The following CTNNA3 variants were observed in gnomAD, a reference collection of about 807,000 sequenced individuals.
CTNNA3 encodes catenin alpha-3.
In CTNNA3, 76 loss-of-function variants were observed where a neutral mutation model predicts 95.7. The observed-to-expected ratio is 0.79, with a 90% CI of 0.66 to 0.96. CTNNA3 has a LOEUF of 0.96. Ranked by LOEUF, CTNNA3 falls within the 40% of genes least tolerant of loss-of-function variation. The pLI, the probability that CTNNA3 is intolerant of heterozygous loss-of-function variation, is 0.00. For missense variants in CTNNA3, 1,191 were observed against 1,089.8 expected (o/e 1.09, Z -1.31); for synonymous variants, 431 against 374.4 (o/e 1.15, Z -1.74).
upstream of CTNNA3, among the ~76,000 whole-genome samples, chr10:67,698,226 G>T (rs1240962512): frequency 6.7e-6 from 1 of 150,254 alleles, no homozygotes; most frequent in African/African-American, 2.5e-5. Flanking sequence ...AACATTGAGG[G>T]TAGAAGAGCT....
At chr10:67,024,330 T>A (rs985125668) in intron 7 of CTNNA3, among the ~76,000 whole-genome samples, 1 of 152,218 alleles carries the variant, frequency 6.6e-6, no homozygotes, top group Non-Finnish European at 1.5e-5. Flanking sequence ...TCTCTTACCA[T>A]GACCTTCCTG....
In CTNNA3 at chr10:66,486,213, A is replaced by C. The variant is rs114591743; in HGVS notation, c.1531+34404T>G. Among the ~76,000 whole-genome samples, 901 of 152,310 alleles carry C rather than the reference A, an allele frequency of 5.9e-3. 11 individuals are homozygous for C. Among genetic ancestry groups the C allele is most frequent in the African/African-American group, 0.021 (858 of 41,568 alleles). ...AGCGAAAATATAAAAATGGGATTACATCAAACTGAAAATCATTTGTACAGC... is the reference window on the plus strand; with the variant it reads ...AGCGAAAATATAAAAATGGGATTACCTCAAACTGAAAATCATTTGTACAGC... On this transcript the variant is annotated intron_variant, in intron 11 of 17. Transcript: ENST00000433211.
At chr10:66,072,536 C>T (rs2133610841) in intron 14 of CTNNA3, among the ~76,000 whole-genome samples, 1 of 152,070 alleles carries the variant, frequency 6.6e-6, no homozygotes, top group South Asian at 2.1e-4. Context: ...CCTCTACCTC[C>T]TAGATTCAAG....
At chr10:66,807,402 G>C (rs906585091) in intron 7 of CTNNA3, among the ~76,000 whole-genome samples, 3 of 152,092 alleles carry the variant, frequency 2.0e-5, no homozygotes, top group African/African-American at 7.2e-5. Context: ...TGCCAGCACG[G>C]CCTTTACTCC....
intron 11 of CTNNA3, among the ~76,000 whole-genome samples, chr10:66,415,349 A>G (rs956399711): frequency 6.6e-6 from 1 of 151,816 alleles, no homozygotes; most frequent in African/African-American, 2.4e-5. Flanking sequence ...ACCACAAATT[A>G]CCACCTGCAG....
chr10:66,892,662 T>C (rs1845317738), intron 7 of CTNNA3, among the ~76,000 whole-genome samples: 1 of 152,138 alleles, frequency 6.6e-6, no homozygotes, highest in African/African-American at 2.4e-5. Context: ...GCATTCATGA[T>C]GCTAATTAGC....
chr10:67,113,550 A>G (rs1051998671), intron 7 of CTNNA3, among the ~76,000 whole-genome samples: 1 of 152,134 alleles, frequency 6.6e-6, no homozygotes, highest in Non-Finnish European at 1.5e-5. Flanking sequence ...AACAAGGTTT[A>G]TTTTCAAAAG....
intron 11 of CTNNA3, among the ~76,000 whole-genome samples, chr10:66,450,153 TA>T (rs1167708917): frequency 6.6e-6 from 1 of 152,074 alleles, no homozygotes; most frequent in Non-Finnish European, 1.5e-5. Context: ...GATAATTGTC[TA>T]AAAAATCCCA....
chr10:66,093,869 T>C (rs534205571), intron 14 of CTNNA3, among the ~76,000 whole-genome samples: 14 of 152,100 alleles, frequency 9.2e-5, no homozygotes, highest in Non-Finnish European at 1.3e-4. Context: ...CCTCTCCTTA[T>C]GTTCTTTCCT....
chr10:67,489,358 TG>T (rs1327187486), intron 5 of CTNNA3, among the ~76,000 whole-genome samples: 3 of 152,296 alleles, frequency 2.0e-5, no homozygotes, highest in African/African-American at 7.2e-5. Context: ...AAGCCACCTC[TG>T]CACCACCACC....
intron 11 of CTNNA3, among the ~76,000 whole-genome samples, chr10:66,483,271 T>A (rs1328635232): frequency 2.0e-5 from 3 of 152,178 alleles, no homozygotes; most frequent in Middle Eastern, 3.2e-3. Context: ...AAAACAAGAA[T>A]GTTTATTTGT....
chr10:66,071,134 G>A (rs1589324741), intron 14 of CTNNA3, among the ~76,000 whole-genome samples: 1 of 152,198 alleles, frequency 6.6e-6, no homozygotes, highest in African/African-American at 2.4e-5. Flanking sequence ...GGAAAGTCTA[G>A]GTGAAAAATT....
chr10:66,797,259 C>T (rs1841238339), intron 7 of CTNNA3, among the ~76,000 whole-genome samples: 1 of 151,852 alleles, frequency 6.6e-6, no homozygotes, highest in Non-Finnish European at 1.5e-5. Context: ...AATACATCAA[C>T]TAACACTTGC....
At chr10:66,997,460 C>T (rs1851419403) in intron 7 of CTNNA3, among the ~76,000 whole-genome samples, 2 of 152,192 alleles carry the variant, frequency 1.3e-5, no homozygotes, top group South Asian at 4.1e-4. Flanking sequence ...AAAACAATAA[C>T]ATTTCAAAGG....
chr10:66,950,536 G>C (rs1303577983), intron 7 of CTNNA3, among the ~76,000 whole-genome samples: 2 of 151,920 alleles, frequency 1.3e-5, no homozygotes, highest in Non-Finnish European at 2.9e-5. Flanking sequence ...GTCAAAATAT[G>C]TATGATATTT....
intron 15 of CTNNA3, among the ~76,000 whole-genome samples, chr10:66,049,944 A>G (rs1197097761): frequency 6.6e-6 from 1 of 152,190 alleles, no homozygotes; most frequent in African/African-American, 2.4e-5. Flanking sequence ...AACTTAAAAT[A>G]AAAGATTTTT....
chr10:66,361,806 G>A (rs895438697), intron 12 of CTNNA3, among the ~76,000 whole-genome samples: 1 of 152,010 alleles, frequency 6.6e-6, no homozygotes, highest in Non-Finnish European at 1.5e-5. Flanking sequence ...CCAAAGTGCT[G>A]GAATTACAGG....
intron 5 of CTNNA3, among the ~76,000 whole-genome samples, chr10:67,279,081 A>G (rs1363282358): frequency 3.3e-5 from 5 of 152,162 alleles, no homozygotes; most frequent in African/African-American, 1.2e-4. Context: ...TTGTTTACCT[A>G]TGGAGCAGTA....
chr10:66,272,161 G>A (rs987882548), intron 13 of CTNNA3, among the ~76,000 whole-genome samples: 8 of 152,192 alleles, frequency 5.3e-5, no homozygotes, highest in Non-Finnish European at 7.4e-5. Context: ...GGCCTTTTAC[G>A]AAGTTCCCTT....
Sources: allele counts gnomAD v4.1 joint callset (sites outside exome capture counted in the v4.1 genomes callset), GRCh38; gene constraint gnomAD v4.1.1; transcripts MANE v1.5; gene names NCBI Gene and HGNC (gene_info 2026-07-23, HGNC 2026-07-21).